ZNF562: variants seen among roughly 807,000 people sequenced by gnomAD.
ZNF562 encodes zinc finger protein 562.
In ZNF562, 13 loss-of-function variants were observed where a neutral mutation model predicts 17.5. The observed-to-expected ratio is 0.74, with a 90% CI of 0.48 to 1.18. The LOEUF (loss-of-function observed/expected upper bound fraction) is 1.18, where lower values mean the gene tolerates loss of function less well. ZNF562 is among the 50% of genes most tolerant of loss of function. ZNF562 has a pLI of 0.00. For missense variants in ZNF562, 481 were observed against 498.5 expected, an observed-to-expected ratio of 0.96 and a Z score of 0.33; for synonymous variants, 163 against 165.4, an observed-to-expected ratio of 0.99 and a Z score of 0.11.
Position 9,653,371 on chromosome 19 carries a change from A to T in ZNF562, c.859T>A (p.Ser287Thr). ...CTTCCACATTCTTTACATTCAAAGG[A>T]CTTCTCTCCTTTATGAGTTTTTGCA... ...AHAKTHKGEK[S>T]FECKECGRSF... Residue 287 changes from serine to threonine, a missense_variant, in exon 6 of 6, where the codon TCC becomes ACC. Transcript: ENST00000453372. The T allele has an allele frequency of 6.2e-7, 1 of 1,614,076 alleles. No individual in the cohort carries two copies.
At chr19:9,670,966 T>G (rs936254768) in intron 1 of ZNF562, among the ~76,000 whole-genome samples, 5 of 150,922 alleles carry the variant, frequency 3.3e-5, no homozygotes, top group Non-Finnish European at 7.4e-5. Flanking sequence ...TGCCACTGCA[T>G]TCTAGCCTGG....
chr19:9,670,999 C>CAAA (rs61660395), intron 1 of ZNF562, among the ~76,000 whole-genome samples: 3 of 92,808 alleles, frequency 3.2e-5, no homozygotes, highest in Non-Finnish European at 2.4e-5. Flanking sequence ...CTCCATCTCC[C>CAAA]AAAAAAAAAA....
rs3074896 is a variant in ZNF562, at chr19:9,669,717, AGCGCGC to A, written c.-131+5292_-131+5297del. ...AGACCTGTCTGCATGCACGCGCGCGAGCGCGCGCGCGCGCGCGCACACACACACACA... is the reference window on the plus strand; with the variant it reads ...AGACCTGTCTGCATGCACGCGCGCGAGCGCGCGCGCGCACACACACACACA... On this transcript the variant is annotated intron_variant, in intron 1 of 5. Coordinates refer to ENST00000453372, the MANE Select transcript of ZNF562 (RefSeq NM_001130031.2). Among the ~76,000 whole-genome samples, 985 of 98,952 alleles carry A rather than the reference AGCGCGC, an allele frequency of 1.0e-2. 9 individuals are homozygous for A. Among genetic ancestry groups the A allele is most frequent in the African/African-American group, 0.024 (704 of 29,438 alleles). The allele number at this position is 98,952 out of a possible 152,430, so 64.9% of individuals were successfully genotyped here. A position where few individuals can be genotyped will look rare whatever the true frequency, so the allele number is the denominator to read the frequency against.
chr19:9,670,015 T>C (rs1456896260), intron 1 of ZNF562, among the ~76,000 whole-genome samples: 1 of 152,028 alleles, frequency 6.6e-6, no homozygotes, highest in Non-Finnish European at 1.5e-5. Context: ...TGAACCAAGA[T>C]CGTGCCACTG....
chr19:9,653,363 T>A lies in ZNF562; in HGVS notation c.867A>T (p.Glu289Asp). ...AKTHKGEKSF[E>D]CKECGRSFRN... ...TAAAGGATCTTCCACATTCTTTACA[T>A]TCAAAGGACTTCTCTCCTTTATGAG... Residue 289 changes from glutamate (E) to aspartate (D), a missense_variant, in exon 6 of 6, where the codon GAA (glutamate) becomes GAT (aspartate). Around this residue, in one of 2 missense-constraint regions of ZNF562, gnomAD observed 403 missense variants for 386.4 expected, o/e 1.04. Transcript: ENST00000453372. 1 of 1,614,082 alleles carries A rather than the reference T, an allele frequency of 6.2e-7. No homozygotes were observed. Among genetic ancestry groups the A allele is most frequent in the South Asian group, 1.1e-5 (1 of 91,054 alleles).
At chr19:9,670,238 A>T (rs1342540647) in intron 1 of ZNF562, among the ~76,000 whole-genome samples, 1 of 152,018 alleles carries the variant, frequency 6.6e-6, no homozygotes, top group African/African-American at 2.4e-5. Context: ...GACTATCTCA[A>T]AAAAAACAAA....
chr19:9,673,396 G>C (rs2044274607), intron 1 of ZNF562, among the ~76,000 whole-genome samples: 2 of 152,068 alleles, frequency 1.3e-5, no homozygotes, highest in Admixed American at 1.3e-4. Context: ...TCACTTTGCA[G>C]CACCCAGCGT....
Position 9,642,022 on chromosome 19 carries a change from G to A in ZNF562, c.*10927C>T, listed in dbSNP as rs1242009840. The A allele has an allele frequency of 6.6e-6, 1 of 151,648 alleles. No individual in the cohort carries two copies. The highest frequency in any genetic ancestry group is 2.4e-5 in the African/African-American group (1 of 41,262). The allele number at this position is 151,648 out of a possible 1,614,324, so 9.4% of individuals were successfully genotyped here. On this transcript the variant is annotated 3_prime_UTR_variant, in exon 6 of 6. Coordinates refer to ENST00000453372, the MANE Select transcript of ZNF562 (RefSeq NM_001130031.2). ...CAAAGTACATTCACAAGGGCGGGGA[G>A]GGTGTATCATCACAAGGGTGGGGAG...
Position 9,653,846 on chromosome 19 carries a change from C to T in ZNF562, c.384G>A (p.Glu128=), listed in dbSNP as rs1434486141. The change falls in exon 6 of 6, where the codon GAG becomes GAA. Residue 128 remains glutamate (E), a synonymous_variant. Transcript: ENST00000453372. ...TRSYSGWKLC[E]NCGEVFSEQF... The stretch of plus-strand genomic sequence containing the variant: ...GTTCACTGAAGACCTCTCCACAATT[C>T]TCACAGAGTTTCCATCCACTGTAGC... 1 of 1,598,158 alleles carries T rather than the reference C, an allele frequency of 6.3e-7. No homozygotes were observed. Among genetic ancestry groups the T allele is most frequent in the Non-Finnish European group, 8.5e-7 (1 of 1,172,576 alleles).
In ZNF562 at chr19:9,651,148, T is replaced by A. The variant is rs1250735601; in HGVS notation, c.*1801A>T. The A allele has an allele frequency of 6.6e-6, 1 of 152,042 alleles. No homozygotes were observed. Among genetic ancestry groups the A allele is most frequent in the Non-Finnish European group, 1.5e-5 (1 of 68,032 alleles). 9.4% of individuals were successfully genotyped at this position (152,042 alleles called of 1,614,324 possible). On this transcript the variant is annotated 3_prime_UTR_variant, in exon 6 of 6. Coordinates refer to ENST00000453372, the MANE Select transcript of ZNF562 (RefSeq NM_001130031.2). Reference sequence around the variant, plus strand: ...AAAAAACTAAAAATGTGAAGCAGCTTTGAAACTGACAAATGAGTAGAGGCT... The same window carrying A: ...AAAAAACTAAAAATGTGAAGCAGCTATGAAACTGACAAATGAGTAGAGGCT...
intron 1 of ZNF562, among the ~76,000 whole-genome samples, chr19:9,661,607 A>T (rs1371875636): frequency 1.3e-5 from 2 of 152,172 alleles, no homozygotes; most frequent in African/African-American, 4.8e-5. Flanking sequence ...CAGCCTGGCC[A>T]ACATAGTGAA....
At position 9,650,954 on chromosome 19, in the gene ZNF562, C is replaced by CAAAAAAGAAAAAAAAAAAAA. The variant is rs2074858778; in HGVS notation, c.*1994_*1995insTTTTTTTTTTTTTCTTTTTT. The CAAAAAAGAAAAAAAAAAAAA allele has an allele frequency of 2.2e-5, 1 of 46,284 alleles. No individual in the cohort carries two copies. The highest frequency in any genetic ancestry group is 1.5e-3 in the South Asian group (1 of 654). 2.9% of individuals were successfully genotyped at this position (46,284 alleles called of 1,614,324 possible). The stretch of plus-strand genomic sequence containing the variant: ...GGGCAACAAGAGCAAAACTCCATCT[C>CAAAAAAGAAAAAAAAAAAAA]AAAAAAAAAAAAAAAAAAAAAAAAA... On this transcript the variant is annotated 3_prime_UTR_variant, in exon 6 of 6. Coordinates refer to ENST00000453372, the MANE Select transcript of ZNF562 (RefSeq NM_001130031.2).
intron 1 of ZNF562, among the ~76,000 whole-genome samples, chr19:9,661,794 C>G (rs1239583559): frequency 6.6e-6 from 1 of 152,102 alleles, no homozygotes; most frequent in Non-Finnish European, 1.5e-5. Flanking sequence ...GACTCCATCT[C>G]AAACAACAAC....
rs1008477095 is a variant in ZNF562, at chr19:9,644,775, C to CCCA, written c.*8171_*8173dup. 65 of 152,322 alleles carry CCCA rather than the reference C, an allele frequency of 4.3e-4. No homozygotes were observed. The highest frequency in any genetic ancestry group is 1.5e-3 in the African/African-American group (61 of 41,566). 9.4% of individuals were successfully genotyped at this position (152,322 alleles called of 1,614,324 possible). A position where few individuals can be genotyped will look rare whatever the true frequency, so the allele number is the denominator to read the frequency against. ...CTTGAACAGCATGGGGAAACCCCCC[C>CCCA]CCATGATTCTATTACCTCCCACCTG... On this transcript the variant is annotated 3_prime_UTR_variant, in exon 6 of 6. Coordinates refer to ENST00000453372, the MANE Select transcript of ZNF562 (RefSeq NM_001130031.2).
chr19:9,642,810 T>G lies in ZNF562; in HGVS notation c.*10139A>C, dbSNP rs1180432012. On this transcript the variant is annotated 3_prime_UTR_variant, in exon 6 of 6. Transcript: ENST00000453372. The stretch of plus-strand genomic sequence containing the variant: ...TGGGAGGCTGATGCAGAAGGATAAC[T>G]TGAACAGGATTTCAAGACCAGCCTG... 2 of 151,356 alleles carry G rather than the reference T, an allele frequency of 1.3e-5. No homozygotes were observed. Among genetic ancestry groups the G allele is most frequent in the Non-Finnish European group, 2.9e-5 (2 of 67,918 alleles). 9.4% of individuals were successfully genotyped at this position (151,356 alleles called of 1,614,324 possible).
In ZNF562 at chr19:9,651,218, T is replaced by G. The variant is rs1344870567; in HGVS notation, c.*1731A>C. 6.6e-6 allele frequency: 1 copy of G among 152,160 alleles called. No individual in the cohort carries two copies. Among genetic ancestry groups the G allele is most frequent in the Non-Finnish European group, 1.5e-5 (1 of 68,034 alleles). The allele number at this position is 152,160 out of a possible 1,614,324, so 9.4% of individuals were successfully genotyped here. The stretch of plus-strand genomic sequence containing the variant: ...AGCTGGAAATAAGGTTGGTAAGGGT[T>G]ATTCTGGTGAGGTGTCATTGGGGAA... On this transcript the variant is annotated 3_prime_UTR_variant, in exon 6 of 6. Coordinates refer to ENST00000453372, the MANE Select transcript of ZNF562 (RefSeq NM_001130031.2).
At chr19:9,669,227 A>T (rs767562682) in intron 1 of ZNF562, among the ~76,000 whole-genome samples, 2 of 152,206 alleles carry the variant, frequency 1.3e-5, no homozygotes, top group Non-Finnish European at 2.9e-5. Context: ...GGGATTAATA[A>T]TCAGAATATA....
chr19:9,663,903 A>T (rs1251952392), intron 1 of ZNF562, among the ~76,000 whole-genome samples: 3 of 151,704 alleles, frequency 2.0e-5, no homozygotes, highest in African/African-American at 7.3e-5. Context: ...GGTGCATGCC[A>T]CCATTCCCAG....
In ZNF562 at chr19:9,644,564, G is replaced by T. The variant is rs1453601040; in HGVS notation, c.*8385C>A. 6.6e-6 allele frequency: 1 copy of T among 152,218 alleles called. No homozygotes were observed. The highest frequency in any genetic ancestry group is 2.4e-5 in the African/African-American group (1 of 41,440). The allele number at this position is 152,218 out of a possible 1,614,324, so 9.4% of individuals were successfully genotyped here. On this transcript the variant is annotated 3_prime_UTR_variant, in exon 6 of 6. Transcript: ENST00000453372. ...CTCACAGTTCCACATGGCTGGGGAG[G>T]CCTCAAAATCATGACAGAAGGTGAA... is the stretch of plus-strand genomic sequence containing the variant.
Sources: gnomAD v4.1 joint callset for allele counts (sites outside exome capture counted in the v4.1 genomes callset) on GRCh38, gnomAD v4.1.1 for gene constraint, gnomAD v4.1.1 regional missense constraint, MANE v1.5 for transcripts, NCBI Gene and HGNC (gene_info 2026-07-23, HGNC 2026-07-21) for gene names.